FARP2: variants seen among roughly 807,000 people sequenced by gnomAD.
FARP2 encodes the protein FERM, ARH/RhoGEF and pleckstrin domain protein 2, also known as FERM, ARHGEF and pleckstrin domain-containing protein 2.
In FARP2, 111 loss-of-function variants were observed where a neutral mutation model predicts 130.5. The observed-to-expected ratio is 0.85, with a 90% CI of 0.73 to 1.00. The LOEUF (loss-of-function observed/expected upper bound fraction) is 1.00, where lower values mean the gene tolerates loss of function less well. Among genes scored for constraint, FARP2 ranks in the 50% least tolerant of loss-of-function variants. The pLI is 0.00. For missense variants in FARP2, 1,385 were observed against 1,346.3 expected, an observed-to-expected ratio of 1.03 and a Z score of -0.45; for synonymous variants, 504 against 516.9, an observed-to-expected ratio of 0.98 and a Z score of 0.34.
At chr2:241,373,722 T>A (rs1215440372) in intron 2 of FARP2, among the ~76,000 whole-genome samples, 7 of 152,230 alleles carry the variant, frequency 4.6e-5, no homozygotes, top group African/African-American at 1.7e-4. Context: ...TTCTCAGAGC[T>A]GCTGGTGAGA....
rs532416709 is a variant in FARP2, at chr2:241,377,504, G to C, written c.183+4214G>C. Among the ~76,000 whole-genome samples, 8 of 152,182 alleles carry C rather than the reference G, an allele frequency of 5.3e-5. No individual in the cohort carries two copies. The East Asian group carries it at 1.5e-3, about 29-fold the overall frequency. On this transcript the variant is annotated intron_variant, in intron 2 of 26. Transcript: ENST00000264042. ...CTATAGGCGCCCGCCACCGCGCCTG[G>C]CTAATTTTTTGTATTTTTAGTAGAG... is the stretch of plus-strand genomic sequence containing the variant.
chr2:241,402,857 TATATATATATATATATATATATA>T (rs1385618123), intron 2 of FARP2, among the ~76,000 whole-genome samples: 38 of 12,812 alleles, frequency 3.0e-3, no homozygotes, highest in African/African-American at 8.4e-3. Context: ...TATATATATA[TATATATATATATATATATATATA>T]TTTTTTTTTT....
chr2:241,369,535 CT>C (rs1040441140), intron 1 of FARP2, among the ~76,000 whole-genome samples: 1 of 150,864 alleles, frequency 6.6e-6, no homozygotes, highest in Non-Finnish European at 1.5e-5. Context: ...TTAGTCTTGT[CT>C]ATTTTTTTTT....
chr2:241,445,924 G>A (rs1159851778), intron 13 of FARP2: 1 of 152,212 alleles, frequency 6.6e-6, no homozygotes, highest in Non-Finnish European at 1.5e-5. Flanking sequence ...TGTCTACTCA[G>A]AGGGGACGCA....
chr2:241,447,569 T>A (rs1248403526), intron 13 of FARP2, among the ~76,000 whole-genome samples: 2 of 151,834 alleles, frequency 1.3e-5, no homozygotes, highest in East Asian at 3.9e-4. Flanking sequence ...GAAAATGAGG[T>A]TATTATTGCC....
intron 13 of FARP2, chr2:241,443,777 T>G (rs1479352482): frequency 6.6e-6 from 1 of 152,284 alleles, no homozygotes; most frequent in African/African-American, 2.4e-5. Flanking sequence ...TTTTTGTTGT[T>G]TTTCTTTTCT....
intron 1 of FARP2, among the ~76,000 whole-genome samples, chr2:241,362,872 T>C (rs935216655): frequency 6.6e-6 from 1 of 152,042 alleles, no homozygotes; most frequent in African/African-American, 2.4e-5. Flanking sequence ...TAAAAATCAA[T>C]CCTCTTACCC....
chr2:241,408,072 G>A (rs1468664795), intron 5 of FARP2, among the ~76,000 whole-genome samples: 1 of 152,118 alleles, frequency 6.6e-6, no homozygotes, highest in Non-Finnish European at 1.5e-5. Flanking sequence ...ATTCTTTATA[G>A]GAATGATCTA....
intron 7 of FARP2, among the ~76,000 whole-genome samples, chr2:241,416,795 G>A (rs2062684688): frequency 6.6e-6 from 1 of 152,268 alleles, no homozygotes; most frequent in African/African-American, 2.4e-5. Flanking sequence ...TGTGGTCTCA[G>A]CTACTCAGGA....
intron 2 of FARP2, among the ~76,000 whole-genome samples, chr2:241,401,485 C>G (rs780604091): frequency 6.6e-6 from 1 of 152,040 alleles, no homozygotes; most frequent in Non-Finnish European, 1.5e-5. Context: ...AAAATGGAAT[C>G]GTTTTATACA....
At chr2:241,412,145 T>C (rs569271494) in intron 6 of FARP2, among the ~76,000 whole-genome samples, 35 of 152,324 alleles carry the variant, frequency 2.3e-4, no homozygotes, top group Non-Finnish European at 4.3e-4. Context: ...GAATATTGTA[T>C]TAGTCCATTT....
chr2:241,364,754 T>A (rs372685916), intron 1 of FARP2, among the ~76,000 whole-genome samples: 1 of 152,230 alleles, frequency 6.6e-6, no homozygotes, highest in African/African-American at 2.4e-5. Flanking sequence ...CAGTTTTTTG[T>A]TTGTTTTTAA....
intron 11 of FARP2, among the ~76,000 whole-genome samples, chr2:241,435,726 T>C (rs1020837200): frequency 1.3e-5 from 2 of 150,848 alleles, no homozygotes; most frequent in African/African-American, 4.9e-5. Context: ...TTAGCCAGGG[T>C]GGTCTCGACC....
At chr2:241,381,077 C>G (rs1277179909) in intron 2 of FARP2, among the ~76,000 whole-genome samples, 1 of 152,140 alleles carries the variant, frequency 6.6e-6, no homozygotes, top group Non-Finnish European at 1.5e-5. Flanking sequence ...CAACATGGGC[C>G]CATCCTAGGG....
intron 1 of FARP2, chr2:241,372,658 A>C (rs914103337): frequency 2.0e-5 from 3 of 152,462 alleles, no homozygotes; most frequent in Non-Finnish European, 4.4e-5. Context: ...ACCATCTAGT[A>C]CTTAAAAAGG....
intron 1 of FARP2, among the ~76,000 whole-genome samples, chr2:241,366,249 C>G (rs1445153729): frequency 6.6e-6 from 1 of 151,010 alleles, no homozygotes; most frequent in Non-Finnish European, 1.5e-5. Context: ...ACAGATCTTG[C>G]TTTTTTCTGT....
At position 241,407,552 on chromosome 2, in the gene FARP2, T is replaced by C; in HGVS notation, c.347T>C (p.Val116Ala). 1 of 1,614,064 alleles carries C rather than the reference T, an allele frequency of 6.2e-7. No individual in the cohort carries two copies. Among genetic ancestry groups the C allele is most frequent in the South Asian group, 1.1e-5 (1 of 91,080 alleles). ...TTTGTTATAGGGCCAAAGAATGTGG[T>C]GCTTCGCCTAGCTGTAAAATTTTTT... ...IRQIRRPKNV[V>A]LRLAVKFFPP... Residue 116 changes from valine to alanine, a missense_variant, in exon 5 of 27, where the codon GTG becomes GCG. Val to Ala is a moderately conservative substitution (Grantham distance 64, BLOSUM62 0). Coordinates refer to ENST00000264042, the MANE Select transcript of FARP2 (RefSeq NM_014808.4).
chr2:241,372,424 G>A (rs1253254543), intron 1 of FARP2: 4 of 152,182 alleles, frequency 2.6e-5, no homozygotes, highest in Non-Finnish European at 4.4e-5. Context: ...CCACCCTGGC[G>A]AGACACGTTA....
At chr2:241,416,351 G>A (rs1172354166) in intron 7 of FARP2, among the ~76,000 whole-genome samples, 1 of 152,152 alleles carries the variant, frequency 6.6e-6, no homozygotes, top group African/African-American at 2.4e-5. Flanking sequence ...CCCGGAAGCA[G>A]GAAGCTCTGC....
Sources: gnomAD v4.1 joint callset for allele counts (sites outside exome capture counted in the v4.1 genomes callset) on GRCh38, gnomAD v4.1.1 for gene constraint, MANE v1.5 for transcripts, NCBI Gene and HGNC (gene_info 2026-07-23, HGNC 2026-07-21) for gene names.